Variants in PPP2R3A observed in about 807,000 individuals in gnomAD.
The protein encoded by PPP2R3A is serine/threonine-protein phosphatase 2A regulatory subunit B'' subunit alpha.
In PPP2R3A, 80 loss-of-function variants were observed where a neutral mutation model predicts 106.9. That is an observed-to-expected ratio of 0.75 (90% CI 0.62 to 0.90). The LOEUF is 0.90. Ranked by LOEUF, PPP2R3A falls within the 40% of genes least tolerant of loss-of-function variation. The pLI, the probability that PPP2R3A is intolerant of heterozygous loss-of-function variation, is 0.00. For missense variants in PPP2R3A, 1,386 were observed against 1,350.4 expected, an observed-to-expected ratio of 1.03 and a Z score of -0.41; for synonymous variants, 483 against 468.3, an observed-to-expected ratio of 1.03 and a Z score of -0.41.
intron 10 of PPP2R3A, among the ~76,000 whole-genome samples, chr3:136,095,390 G>T (rs2107954745): frequency 6.6e-6 from 1 of 152,198 alleles, no homozygotes; most frequent in East Asian, 1.9e-4. Flanking sequence ...TCCATTCTTT[G>T]CCAGTGACTA....
chr3:135,977,688 C>CTTTTTTTTTTTTTTTTTTTT (rs66592538), intron 1 of PPP2R3A, among the ~76,000 whole-genome samples: 1 of 61,098 alleles, frequency 1.6e-5, no homozygotes, highest in African/African-American at 7.0e-5. Flanking sequence ...GATCAGCATT[C>CTTTTTTTTTTTTTTTTTTTT]TTTTTTTTTT....
intron 10 of PPP2R3A, among the ~76,000 whole-genome samples, chr3:136,093,633 C>T (rs1366323128): frequency 2.0e-5 from 3 of 151,938 alleles, no homozygotes; most frequent in Non-Finnish European, 4.4e-5. Context: ...TATGCATGGC[C>T]AATAAGCACA....
chr3:136,136,486 G>A (rs1218214517), intron 13 of PPP2R3A, among the ~76,000 whole-genome samples: 2 of 152,094 alleles, frequency 1.3e-5, no homozygotes, highest in African/African-American at 2.4e-5. Flanking sequence ...GGATTGTACT[G>A]AGAATTAAGA....
chr3:136,096,884 G>T (rs114891799), intron 10 of PPP2R3A, among the ~76,000 whole-genome samples: 4,100 of 152,320 alleles, frequency 0.027, 194 homozygotes, highest in African/African-American at 0.094. Context: ...GAACCCGGGG[G>T]TTGGGGAGGA....
chr3:136,041,501 G>A lies in PPP2R3A; in HGVS notation c.2366+539G>A, dbSNP rs1374325991. Among the ~76,000 whole-genome samples, 5 of 151,800 alleles carry A rather than the reference G, an allele frequency of 3.3e-5. No individual in the cohort carries two copies. In the East Asian group the frequency reaches 5.8e-4, roughly 18 times the overall value. On this transcript the variant is annotated intron_variant, in intron 4 of 13. Transcript: ENST00000264977. ...TGGCCTTAAGCAATCCTCCCAGCTC[G>A]GCTGCCCAAAGTGCTGAGATTATAG...
intron 10 of PPP2R3A, among the ~76,000 whole-genome samples, chr3:136,099,467 G>A (rs1023738426): frequency 6.6e-6 from 1 of 152,132 alleles, no homozygotes; most frequent in Admixed American, 6.5e-5. Context: ...AGAAATTAGA[G>A]TACAGGACAT....
Position 136,143,041 on chromosome 3 carries a change from G to T in PPP2R3A, c.3330-2002G>T, listed in dbSNP as rs1938941057. On this transcript the variant is annotated intron_variant, in intron 13 of 13. Transcript: ENST00000264977. Reference sequence around the variant, plus strand: ...TGCCGCATTGAGGCCTCAAGGAGATGGGGGAAGAGGAGTGGAAACAAGAAT... The same window carrying T: ...TGCCGCATTGAGGCCTCAAGGAGATTGGGGAAGAGGAGTGGAAACAAGAAT... 2.0e-5 allele frequency among the ~76,000 whole-genome samples: 3 copies of T among 152,314 alleles called. No individual in the cohort carries two copies. The South Asian group carries it at 6.2e-4, about 32-fold the overall frequency.
rs189681746 is a variant in PPP2R3A at position 136,067,012 on chromosome 3, A to T, written c.2470-3466A>T. ...TATTTAATGGGAAAACACTAGAGGC[A>T]CTTCAACAAAGATCAGGAACAAGGC... is the stretch of plus-strand genomic sequence containing the variant. On this transcript the variant is annotated intron_variant, in intron 5 of 13. Transcript: ENST00000264977. Among the ~76,000 whole-genome samples the T allele has an allele frequency of 7.7e-3, 1,173 of 152,338 alleles. 21 individuals carry two copies. The highest frequency in any genetic ancestry group is 0.043 in the Admixed American group (663 of 15,290).
intron 5 of PPP2R3A, among the ~76,000 whole-genome samples, chr3:136,064,607 T>C (rs1192380496): frequency 1.3e-5 from 2 of 151,986 alleles, no homozygotes; most frequent in Non-Finnish European, 2.9e-5. Context: ...GATTTCTAAT[T>C]TCATGAAAAA....
chr3:136,051,222 T>TA (rs1335994768), intron 5 of PPP2R3A, among the ~76,000 whole-genome samples: 3 of 152,258 alleles, frequency 2.0e-5, no homozygotes, highest in African/African-American at 7.2e-5. Context: ...TTTTAGGTGT[T>TA]ACAGTAAATC....
chr3:136,032,834 G>A (rs139084474), intron 3 of PPP2R3A, among the ~76,000 whole-genome samples: 11 of 152,214 alleles, frequency 7.2e-5, no homozygotes, highest in Admixed American at 2.6e-4. Flanking sequence ...ACACCCGGCC[G>A]ACTTCCTCTT....
chr3:136,090,979 C>T (rs1184287413), intron 10 of PPP2R3A, among the ~76,000 whole-genome samples: 2 of 152,164 alleles, frequency 1.3e-5, no homozygotes, highest in Non-Finnish European at 2.9e-5. Flanking sequence ...GTTTTATCAT[C>T]TTACTGGTTG....
chr3:135,998,640 T>C (rs924405557), intron 1 of PPP2R3A, among the ~76,000 whole-genome samples: 4 of 152,196 alleles, frequency 2.6e-5, no homozygotes, highest in African/African-American at 9.6e-5. Flanking sequence ...GAATATATTA[T>C]AAGCAAATAA....
intron 5 of PPP2R3A, among the ~76,000 whole-genome samples, chr3:136,063,702 C>G (rs1559897730): frequency 6.6e-6 from 1 of 151,546 alleles, no homozygotes; most frequent in Non-Finnish European, 1.5e-5. Flanking sequence ...AAATGCAAAT[C>G]AAAACCACAA....
intron 13 of PPP2R3A, among the ~76,000 whole-genome samples, chr3:136,107,154 TTTCCA>T (rs935388018): frequency 2.6e-5 from 4 of 152,140 alleles, no homozygotes; most frequent in African/African-American, 9.7e-5. Flanking sequence ...TTGCTGGTTT[TTTCCA>T]TCATCTTCTA....
chr3:136,040,876 C>G lies in PPP2R3A; in HGVS notation c.2280C>G (p.Leu760=). The part of the protein sequence containing the change: ...GKIAKVCGCP[L]YWKAPMFRAA... Reference sequence around the variant, plus strand: ...ATTTGCAGGTCTGTGGCTGTCCTCTCTATTGGAAAGCCCCCATGTTCAGGG... The same window carrying G: ...ATTTGCAGGTCTGTGGCTGTCCTCTGTATTGGAAAGCCCCCATGTTCAGGG... The change falls in exon 4 of 14, where the codon CTC becomes CTG. Residue 760 remains leucine (L), a synonymous_variant. Transcript: ENST00000264977. 1.9e-6 allele frequency: 3 copies of G among 1,612,962 alleles called. No homozygotes were observed. The highest frequency in any genetic ancestry group is 1.1e-5 in the South Asian group (1 of 90,722).
intron 2 of PPP2R3A, among the ~76,000 whole-genome samples, chr3:136,003,729 T>C (rs997442801): frequency 1.8e-4 from 27 of 151,534 alleles, no homozygotes; most frequent in African/African-American, 5.8e-4. Context: ...GCCCTCCCCA[T>C]ACCCTTCATC....
chr3:136,126,605 C>T (rs1217400815), intron 13 of PPP2R3A, among the ~76,000 whole-genome samples: 2 of 152,210 alleles, frequency 1.3e-5, no homozygotes, highest in South Asian at 2.1e-4. Flanking sequence ...CAGACTTAAA[C>T]GTCCCTGTCT....
chr3:136,081,548 A>G (rs115569271), intron 7 of PPP2R3A, among the ~76,000 whole-genome samples: 1,931 of 152,014 alleles, frequency 0.013, 39 homozygotes, highest in African/African-American at 0.045. Flanking sequence ...CTGCCATTTC[A>G]TTTTTTTATA....
Sources: allele counts gnomAD v4.1 joint callset (sites outside exome capture counted in the v4.1 genomes callset), GRCh38; gene constraint gnomAD v4.1.1; transcripts MANE v1.5; gene names NCBI Gene and HGNC (gene_info 2026-07-23, HGNC 2026-07-21).